The following AKAP3 variants were observed in gnomAD, a reference collection of about 807,000 sequenced individuals.
AKAP3 encodes the protein A-kinase anchor protein 3.
In AKAP3, 27 loss-of-function variants were observed where a neutral mutation model predicts 57.2. The ratio of observed to expected loss-of-function variants is 0.47; its 90% CI spans 0.35 to 0.65. The LOEUF (loss-of-function observed/expected upper bound fraction) is 0.65, where lower values mean the gene tolerates loss of function less well. AKAP3 is among the 30% of genes least tolerant of loss of function. The pLI is 0.01. For synonymous variants in AKAP3, 334 were observed against 392.3 expected (o/e 0.85, Z 1.76); for missense variants, 959 against 1,040.0 (o/e 0.92, Z 1.07).
intron 4 of AKAP3, among the ~76,000 whole-genome samples, chr12:4,636,836 A>G (rs544122601): frequency 6.6e-6 from 1 of 152,204 alleles, no homozygotes; most frequent in South Asian, 2.1e-4. Flanking sequence ...TACGACCTCA[A>G]ACTCCTGGGC....
In AKAP3 at chr12:4,628,802, T is replaced by C; in HGVS notation, c.100A>G (p.Thr34Ala). ...AGCACTCTGACAGGATCCGTGGAGGTGTCCTTAAAAATAGACAAGGATTCA... is the reference window on the plus strand; with the variant it reads ...AGCACTCTGACAGGATCCGTGGAGGCGTCCTTAAAAATAGACAAGGATTCA... ...DNQAQDWKMD[T>A]STDPVRVLSW... Residue 34 changes from threonine (T) to alanine (A), a missense_variant, in exon 5 of 6, where the codon ACC becomes GCC. By Grantham distance (58) the Thr-to-Ala change is moderately conservative. Coordinates refer to ENST00000228850, the MANE Select transcript of AKAP3 (RefSeq NM_001278309.2). The C allele has an allele frequency of 6.3e-7, 1 of 1,598,348 alleles. No homozygotes were observed. Among genetic ancestry groups the C allele is most frequent in the Non-Finnish European group, 8.6e-7 (1 of 1,168,496 alleles).
chr12:4,633,530 A>G (rs575477347), intron 4 of AKAP3, among the ~76,000 whole-genome samples: 9 of 152,150 alleles, frequency 5.9e-5, no homozygotes, highest in Middle Eastern at 3.4e-3. Context: ...TTATCAATGC[A>G]GTCTATAACC....
At chr12:4,644,039 T>C (rs1945668524) in intron 2 of AKAP3, among the ~76,000 whole-genome samples, 1 of 152,240 alleles carries the variant, frequency 6.6e-6, no homozygotes, top group Non-Finnish European at 1.5e-5. Flanking sequence ...TGTAAGTGCC[T>C]GCTACATCGT....
intron 4 of AKAP3, chr12:4,636,241 T>C (rs1945563673): frequency 4.5e-6 from 2 of 441,076 alleles, no homozygotes; most frequent in Non-Finnish European, 8.2e-6. Context: ...TTCTTCTTTC[T>C]GGAGGTAAAG....
rs749917515 is a variant in AKAP3, at chr12:4,627,057, G to A, written c.1845C>T (p.Pro615=). The change falls in exon 5 of 6, where the codon CCC becomes CCT. Residue 615 remains proline, a synonymous_variant. Transcript: ENST00000228850. ...TIFKRDQSPE[P]KVPEQPVKED... is the part of the protein sequence containing the mutation. Reference sequence around the variant, plus strand: ...CCTTAACTGGCTGTTCCGGCACCTTGGGTTCAGGGCTCTGGTCACGCTTGA... The same window carrying A: ...CCTTAACTGGCTGTTCCGGCACCTTAGGTTCAGGGCTCTGGTCACGCTTGA... 6 of 1,613,974 alleles carry A rather than the reference G, an allele frequency of 3.7e-6. No homozygotes were observed. Among genetic ancestry groups the A allele is most frequent in the Non-Finnish European group, 5.1e-6 (6 of 1,179,918 alleles).
At chr12:4,641,222 C>T (rs912787986) in intron 3 of AKAP3, among the ~76,000 whole-genome samples, 1 of 151,886 alleles carries the variant, frequency 6.6e-6, no homozygotes, top group Non-Finnish European at 1.5e-5. Flanking sequence ...TTTAGATATT[C>T]CAGCCCTGCT....
intron 4 of AKAP3, among the ~76,000 whole-genome samples, chr12:4,630,472 G>GAA (rs60340560): frequency 0.24 from 37,197 of 151,954 alleles, 5,244 homozygotes; most frequent in South Asian, 0.43. Context: ...GGAAAGAAAA[G>GAA]AAAAGAAAAG....
chr12:4,635,661 T>A, intron 4 of AKAP3: 1 of 781,112 alleles, frequency 1.3e-6, no homozygotes, highest in South Asian at 1.5e-5. Flanking sequence ...TTTTTTGCTC[T>A]TGCAAAGGAC....
intron 3 of AKAP3, among the ~76,000 whole-genome samples, chr12:4,641,505 T>C (rs1329149991): frequency 6.6e-6 from 1 of 152,240 alleles, no homozygotes; most frequent in Non-Finnish European, 1.5e-5. Context: ...CCAGATTTCC[T>C]AATTTTCTTT....
chr12:4,622,431 G>T (rs890375564), intron 5 of AKAP3, among the ~76,000 whole-genome samples: 3 of 152,104 alleles, frequency 2.0e-5, no homozygotes, highest in Admixed American at 1.3e-4. Flanking sequence ...TACAAAAACA[G>T]ACATACAGAC....
At position 4,639,489 on chromosome 12, in the gene AKAP3, C is replaced by T. The variant is rs1470388538; in HGVS notation, c.1-1293G>A. On this transcript the variant is annotated intron_variant, in intron 3 of 5. Transcript: ENST00000228850. ...ATGTGCACAACGTGCAGGTTTGTTA[C>T]ATATGTATACGTGTGCTGTCTTGGT... 2.6e-5 allele frequency among the ~76,000 whole-genome samples: 4 copies of T among 152,080 alleles called. No homozygotes were observed. In the South Asian group the frequency reaches 8.3e-4, roughly 32 times the overall value.
At chr12:4,636,271 C>T (rs1019942281) in intron 4 of AKAP3, 9 of 386,302 alleles carry the variant, frequency 2.3e-5, no homozygotes, top group Non-Finnish European at 4.3e-5. Flanking sequence ...ACGCGGCAAG[C>T]GGAGCTGTGG....
chr12:4,626,998 G>GACGCCAACGGTCTTTC lies in AKAP3; in HGVS notation c.1888_1903dup (p.Ser635Ter), dbSNP rs775103803. 6.2e-6 allele frequency: 10 copies of GACGCCAACGGTCTTTC among 1,614,132 alleles called. No homozygotes were observed. The South Asian group carries it at 1.1e-4, about 18-fold the overall frequency. Reference sequence around the variant, plus strand: ...ATCCTCATATAGCCTGGGGGGAGAAGACGCCAACGGTCTTTCACACAACTT... The same window carrying GACGCCAACGGTCTTTC: ...ATCCTCATATAGCCTGGGGGGAGAAGACGCCAACGGTCTTTCACGCCAACGGTCTTTCACACAACTT... On this transcript the variant is annotated stop_gained and frameshift_variant, in exon 5 of 6. Coordinates refer to ENST00000228850, the MANE Select transcript of AKAP3 (RefSeq NM_001278309.2). LOFTEE classifies it high-confidence loss of function.
chr12:4,622,035 C>A (rs1945353823), intron 5 of AKAP3, among the ~76,000 whole-genome samples: 1 of 151,806 alleles, frequency 6.6e-6, no homozygotes, highest in Admixed American at 6.6e-5. Context: ...AGAAAATGGG[C>A]AGAACATAAA....
intron 1 of AKAP3, chr12:4,645,758 T>C: frequency 6.6e-6 from 1 of 152,128 alleles, no homozygotes; most frequent in Non-Finnish European, 1.5e-5. Flanking sequence ...TAAAAGACCA[T>C]GGACTGGTAC....
intron 3 of AKAP3, among the ~76,000 whole-genome samples, chr12:4,639,527 T>A (rs1050998722): frequency 6.6e-6 from 1 of 152,062 alleles, no homozygotes; most frequent in African/African-American, 2.4e-5. Context: ...GCTGCCCCCA[T>A]TAGCTCATCA....
chr12:4,639,406 TATTTA>T (rs568439676), intron 3 of AKAP3, among the ~76,000 whole-genome samples: 7 of 152,238 alleles, frequency 4.6e-5, no homozygotes, highest in South Asian at 4.1e-4. Flanking sequence ...GGTGCAGTAA[TATTTA>T]ATTTAATTTA....
chr12:4,638,311 G>A, intron 3 of AKAP3, 115 bp from the exon 4 acceptor site: 1 of 729,668 alleles, frequency 1.4e-6, no homozygotes, highest in Non-Finnish European at 2.3e-6. Flanking sequence ...GCCTTCAATA[G>A]AGACCTTCCC....
At chr12:4,632,072 T>C (rs564445318) in intron 4 of AKAP3, among the ~76,000 whole-genome samples, 1 of 152,360 alleles carries the variant, frequency 6.6e-6, no homozygotes, top group African/African-American at 2.4e-5. Flanking sequence ...TCCAACATCT[T>C]TATATAACTG....
Sources: allele counts gnomAD v4.1 joint callset (sites outside exome capture counted in the v4.1 genomes callset), GRCh38; gene constraint gnomAD v4.1.1; transcripts MANE v1.5; gene names NCBI Gene and HGNC (gene_info 2026-07-23, HGNC 2026-07-21).